The following ZMYM1 variants were observed in gnomAD, a reference collection of about 807,000 sequenced individuals.
The protein encoded by ZMYM1 is zinc finger MYM-type protein 1.
A neutral mutation model predicts 60.0 loss-of-function variants in ZMYM1; 39 were observed. The ratio of observed to expected loss-of-function variants is 0.65; its 90% CI spans 0.50 to 0.85. The LOEUF (loss-of-function observed/expected upper bound fraction) is 0.85. Ranked by LOEUF, ZMYM1 falls within the 40% of genes least tolerant of loss-of-function variation. The pLI, the probability that ZMYM1 is intolerant of heterozygous loss-of-function variation, is 0.00. For missense variants in ZMYM1, 1,171 were observed against 1,309.5 expected (o/e 0.89, Z 1.63); for synonymous variants, 413 against 454.0 (o/e 0.91, Z 1.15).
chr1:35,078,504 A>G (rs1440846865), upstream of ZMYM1, among the ~76,000 whole-genome samples: 1 of 130,302 alleles, frequency 7.7e-6, no homozygotes, highest in African/African-American at 2.8e-5. Context: ...AAAATATGCC[A>G]TTATTTTTGA....
upstream of ZMYM1, among the ~76,000 whole-genome samples, chr1:35,077,139 T>C (rs1238899433): frequency 6.6e-6 from 1 of 152,068 alleles, no homozygotes; most frequent in East Asian, 1.9e-4. Flanking sequence ...CTGGGGGTGG[T>C]TGGAATATCA....
At chr1:35,064,686 CTTTTT>C (rs34080777) in intron 1 of ZMYM1, among the ~76,000 whole-genome samples, 1 of 113,000 alleles carries the variant, frequency 8.8e-6, no homozygotes, top group Non-Finnish European at 1.7e-5. Flanking sequence ...CAATATATTT[CTTTTT>C]TTTTTTTTTT....
In ZMYM1 at chr1:35,104,430, C is replaced by T; in HGVS notation, c.555C>T (p.Ser185=). 6.2e-7 allele frequency: 1 copy of T among 1,611,486 alleles called. No homozygotes were observed. Among genetic ancestry groups the T allele is most frequent in the Non-Finnish European group, 8.5e-7 (1 of 1,178,632 alleles). The change falls in exon 5 of 10, where the codon AGC becomes AGT. Residue 185 remains serine (S), a synonymous_variant. Coordinates refer to ENST00000359858, the MANE Select transcript of ZMYM1 (RefSeq NM_024772.5). ...CATTTGTTACCATATGTACTAATAG[C>T]ATTTTGACCAAGTGCAGCATGTGCC... ...RKPFVTICTN[S]ILTKCSMCQK...
At chr1:35,062,389 T>C (rs926189935) in intron 1 of ZMYM1, among the ~76,000 whole-genome samples, 1 of 152,244 alleles carries the variant, frequency 6.6e-6, no homozygotes, top group African/African-American at 2.4e-5. Flanking sequence ...AAGGAGGTTC[T>C]ACCCTCCAAC....
In ZMYM1 at chr1:35,099,602, G is replaced by C. The variant is rs549519738; in HGVS notation, c.419+2036G>C. ...GCTGGAAAAGGCCATCCATGATTCA[G>C]AGTAGGCTGCTTTTTTCAAAACTTA... On this transcript the variant is annotated intron_variant, in intron 4 of 9. Coordinates refer to ENST00000359858, the MANE Select transcript of ZMYM1 (RefSeq NM_024772.5). Among the ~76,000 whole-genome samples the C allele has an allele frequency of 3.3e-5, 5 of 152,290 alleles. No homozygotes were observed. In the East Asian group the frequency reaches 9.6e-4, roughly 29 times the overall value.
intron 1 of ZMYM1, among the ~76,000 whole-genome samples, chr1:35,089,990 C>T (rs181640671): frequency 6.6e-6 from 1 of 150,710 alleles, no homozygotes; most frequent in African/African-American, 2.4e-5. Flanking sequence ...CTGCAAGCTC[C>T]GCCTCCCGGG....
At chr1:35,111,360 G>A (rs2935954) in intron 7 of ZMYM1, among the ~76,000 whole-genome samples, 152,133 of 152,310 alleles carry the variant, frequency 1, 75,978 homozygotes, top group Middle Eastern at 1. Context: ...CTGCAATAGT[G>A]GCTTGGGCAC....
At chr1:35,061,999 T>G (rs535976530) in intron 1 of ZMYM1, among the ~76,000 whole-genome samples, 42 of 151,542 alleles carry the variant, frequency 2.8e-4, no homozygotes, top group African/African-American at 9.9e-4. Context: ...CTGGCTAATT[T>G]TTTTGTATTT....
chr1:35,075,696 C>A (rs917760893), upstream of ZMYM1, among the ~76,000 whole-genome samples: 2 of 152,140 alleles, frequency 1.3e-5, no homozygotes, highest in African/African-American at 4.8e-5. Context: ...ACACCAATTC[C>A]AAATATGCCT....
At chr1:35,096,486 G>T (rs1470316725) in intron 3 of ZMYM1, among the ~76,000 whole-genome samples, 1 of 151,732 alleles carries the variant, frequency 6.6e-6, no homozygotes, top group South Asian at 2.1e-4. Context: ...ACCAGGTGTG[G>T]TGGTGCATGC....
downstream of ZMYM1, among the ~76,000 whole-genome samples, chr1:35,118,222 CAA>C (rs767721508): frequency 6.1e-4 from 67 of 110,148 alleles, no homozygotes; most frequent in Admixed American, 2.0e-3. Flanking sequence ...GCCTGGGCGA[CAA>C]GAGTGAAACT....
Position 35,104,357 on chromosome 1 carries a change from CTT to C in ZMYM1, c.486_487del (p.Phe162LeufsTer10). ...CTGGAAGACACTACCTCTTGCAAAACTTTTTGCAGCCTATCTTGTCTTTCATC... is the reference window on the plus strand; with the variant it reads ...CTGGAAGACACTACCTCTTGCAAAACTTTGCAGCCTATCTTGTCTTTCATC... On this transcript the variant is annotated frameshift_variant, in exon 5 of 10. Coordinates refer to ENST00000359858, the MANE Select transcript of ZMYM1 (RefSeq NM_024772.5). LOFTEE classifies it high-confidence loss of function. 6.2e-7 allele frequency: 1 copy of C among 1,612,464 alleles called. No individual in the cohort carries two copies. Among genetic ancestry groups the C allele is most frequent in the Non-Finnish European group, 8.5e-7 (1 of 1,179,544 alleles).
In ZMYM1 at chr1:35,110,297, C is replaced by T. The variant is rs1228534347; in HGVS notation, c.811C>T (p.Pro271Ser). 6.6e-7 allele frequency: 1 copy of T among 1,510,746 alleles called. No homozygotes were observed. The highest frequency in any genetic ancestry group is 8.8e-7 in the Non-Finnish European group (1 of 1,135,196). 93.6% of individuals were successfully genotyped at this position (1,510,746 alleles called of 1,614,324 possible). A position where few individuals can be genotyped will look rare whatever the true frequency, so the allele number is the denominator to read the frequency against. ...SKSITAYKQK[P>S]AKPLISVPCK... ...TATTATTTTAATCTCTAAACAGAAA[C>T]CTGCCAAACCACTTATATCTGTTCC... The change falls in exon 7 of 10, where the codon CCT becomes TCT. Residue 271 changes from proline (P) to serine (S), a missense_variant. Transcript: ENST00000359858.
chr1:35,102,214 T>C (rs1405027946), intron 4 of ZMYM1, among the ~76,000 whole-genome samples: 1 of 151,842 alleles, frequency 6.6e-6, no homozygotes, highest in Non-Finnish European at 1.5e-5. Context: ...TCTTTGATAC[T>C]ACAACCAAAA....
At chr1:35,073,641 A>C (rs1407106183) in intron 1 of ZMYM1, among the ~76,000 whole-genome samples, 3 of 151,444 alleles carry the variant, frequency 2.0e-5, no homozygotes, top group Non-Finnish European at 4.4e-5. Context: ...AAAAAAAGAA[A>C]AGAAAAGAAA....
Position 35,104,457 on chromosome 1 carries a change from G to C in ZMYM1, c.582G>C (p.Gln194His). The change falls in exon 5 of 10, where the codon CAG (glutamine) becomes CAC (histidine). Residue 194 changes from glutamine to histidine, a missense_variant. Coordinates refer to ENST00000359858, the MANE Select transcript of ZMYM1 (RefSeq NM_024772.5). The part of the protein sequence containing the change: ...NSILTKCSMC[Q>H]KTAIIQYEVK... ...TTTTGACCAAGTGCAGCATGTGCCAGAAGACTGCTATTGTAAGTTCCAATT... is the reference window on the plus strand; with the variant it reads ...TTTTGACCAAGTGCAGCATGTGCCACAAGACTGCTATTGTAAGTTCCAATT... 6.2e-7 allele frequency: 1 copy of C among 1,609,728 alleles called. No homozygotes were observed. The highest frequency in any genetic ancestry group is 1.1e-5 in the South Asian group (1 of 90,742).
Position 35,114,676 on chromosome 1 carries a change from A to G in ZMYM1, c.2846A>G (p.Asn949Ser), listed in dbSNP as rs1478811138. The change falls in exon 10 of 10, where the codon AAT becomes AGT. Residue 949 changes from asparagine (N) to serine (S), a missense_variant. Physicochemically the swap from Asn to Ser is conservative, Grantham distance 46. Transcript: ENST00000359858. The stretch of plus-strand genomic sequence containing the variant: ...ATTCAGAAATCAGTAGATCTTGGCA[A>G]TTCAGATAATATGTTTTTTCCTACT... ...RKIQKSVDLG[N>S]SDNMFFPTST... 1 of 1,589,788 alleles carries G rather than the reference A, an allele frequency of 6.3e-7. No individual in the cohort carries two copies. The highest frequency in any genetic ancestry group is 1.9e-5 in the Admixed American group (1 of 53,346).
chr1:35,111,760 T>C lies in ZMYM1; in HGVS notation c.962-12T>C. ...TTGCCTTGTTTATAAGAAATCTTTTTATTGTTGTCAGTAAGTGTTGTTTCT... is the reference window on the plus strand; with the variant it reads ...TTGCCTTGTTTATAAGAAATCTTTTCATTGTTGTCAGTAAGTGTTGTTTCT... On this transcript the variant is annotated splice_polypyrimidine_tract_variant and intron_variant, in intron 7 of 9. Coordinates refer to ENST00000359858, the MANE Select transcript of ZMYM1 (RefSeq NM_024772.5). 6.4e-7 allele frequency: 1 copy of C among 1,553,908 alleles called. No individual in the cohort carries two copies. The highest frequency in any genetic ancestry group is 1.8e-4 in the Middle Eastern group (1 of 5,694).
chr1:35,101,941 G>A (rs1297293067), intron 4 of ZMYM1, among the ~76,000 whole-genome samples: 1 of 152,046 alleles, frequency 6.6e-6, no homozygotes, highest in African/African-American at 2.4e-5. Context: ...AAGAGCTTTA[G>A]TTATGTAGAT....
Sources: gnomAD v4.1 joint callset for allele counts (sites outside exome capture counted in the v4.1 genomes callset) on GRCh38, gnomAD v4.1.1 for gene constraint, MANE v1.5 for transcripts, NCBI Gene and HGNC (gene_info 2026-07-23, HGNC 2026-07-21) for gene names.